Variants in GRM5 observed in about 807,000 individuals in gnomAD.
The protein encoded by GRM5 is glutamate metabotropic receptor 5, also known as metabotropic glutamate receptor 5.
In GRM5, 19 loss-of-function variants were observed where a neutral mutation model predicts 83.1. The ratio of observed to expected loss-of-function variants is 0.23; its 90% CI spans 0.16 to 0.34. The LOEUF is 0.34. Among genes scored for constraint, GRM5 ranks in the 10% least tolerant of loss-of-function variants. The pLI, the probability that GRM5 is intolerant of heterozygous loss-of-function variation, is 1.00. For synonymous variants in GRM5, 675 were observed against 633.6 expected, an observed-to-expected ratio of 1.07 and a Z score of -0.98; for missense variants, 1,160 against 1,588.3, an observed-to-expected ratio of 0.73 and a Z score of 4.58.
chr11:88,846,961 CCT>C (rs1222780149), intron 3 of GRM5, among the ~76,000 whole-genome samples: 1 of 151,916 alleles, frequency 6.6e-6, no homozygotes, highest in Non-Finnish European at 1.5e-5. Flanking sequence ...AATAACTTCC[CCT>C]CTGTTTCTAC....
intron 3 of GRM5, among the ~76,000 whole-genome samples, chr11:88,683,944 A>G (rs1940557241): frequency 6.6e-6 from 1 of 152,238 alleles, no homozygotes; most frequent in South Asian, 2.1e-4. Flanking sequence ...GGAGTAGATA[A>G]TAATGCTGGA....
intron 3 of GRM5, among the ~76,000 whole-genome samples, chr11:88,844,062 A>T (rs1944254904): frequency 6.6e-6 from 1 of 152,174 alleles, no homozygotes; most frequent in Non-Finnish European, 1.5e-5. Context: ...ATGCAGACAA[A>T]ACAGCCTTTT....
At chr11:88,864,242 T>C (rs1944619318) in intron 2 of GRM5, among the ~76,000 whole-genome samples, 1 of 150,982 alleles carries the variant, frequency 6.6e-6, no homozygotes, top group Non-Finnish European at 1.5e-5. Flanking sequence ...CCAAACTTGA[T>C]ACATAAAGAG....
intron 3 of GRM5, among the ~76,000 whole-genome samples, chr11:88,765,395 G>GAAAAAAAAAAAAAAAAAAAA (rs58232495): frequency 8.1e-6 from 1 of 123,422 alleles, no homozygotes; most frequent in African/African-American, 2.9e-5. Context: ...AAGACAATTT[G>GAAAAAAAAAAAAAAAAAAAA]AAAAAAAAAA....
At chr11:88,793,827 C>T (rs201902585) in intron 3 of GRM5, among the ~76,000 whole-genome samples, 3 of 149,970 alleles carry the variant, frequency 2.0e-5, no homozygotes, top group Admixed American at 1.3e-4. Flanking sequence ...TTTGTTTGTT[C>T]GTTTGTTTGT....
At chr11:88,837,951 G>A (rs1181686920) in intron 3 of GRM5, among the ~76,000 whole-genome samples, 1 of 151,740 alleles carries the variant, frequency 6.6e-6, no homozygotes, top group Non-Finnish European at 1.5e-5. Flanking sequence ...CAGGCGTGGT[G>A]GCGGGTGCCT....
intron 4 of GRM5, among the ~76,000 whole-genome samples, chr11:88,607,063 T>G (rs979529187): frequency 6.6e-6 from 1 of 151,760 alleles, no homozygotes; most frequent in East Asian, 2.0e-4. Context: ...GCCCAAATAC[T>G]GACACCTTTA....
At chr11:88,625,148 A>G (rs1285282507) in intron 4 of GRM5, among the ~76,000 whole-genome samples, 1 of 152,184 alleles carries the variant, frequency 6.6e-6, no homozygotes, top group Non-Finnish European at 1.5e-5. Context: ...TACAATAGTA[A>G]GATTTGGCAG....
chr11:88,600,279 T>C (rs1937943199), intron 5 of GRM5, among the ~76,000 whole-genome samples: 1 of 98,136 alleles, frequency 1.0e-5, no homozygotes, highest in Non-Finnish European at 1.8e-5. Context: ...TCCTGCTCCT[T>C]CTCCCTCTCC....
intron 2 of GRM5, among the ~76,000 whole-genome samples, chr11:88,993,631 T>C (rs1257746270): frequency 2.0e-5 from 3 of 152,196 alleles, no homozygotes; most frequent in Non-Finnish European, 4.4e-5. Flanking sequence ...TGTAATATTA[T>C]ATATAGAAAA....
intron 3 of GRM5, among the ~76,000 whole-genome samples, chr11:88,826,422 A>G (rs923142884): frequency 1.3e-5 from 2 of 151,530 alleles, no homozygotes; most frequent in African/African-American, 4.8e-5. Context: ...AAATACACAG[A>G]CACACATGTA....
Position 88,561,277 on chromosome 11 carries a change from T to C in GRM5, c.2630+5776A>G, listed in dbSNP as rs1409732691. ...CAGCCAAAGTGGGCCCTCGTGACAA[T>C]GCTAATTAAAGCAAAGTTAATTAGT... is the stretch of plus-strand genomic sequence containing the variant. On this transcript the variant is annotated intron_variant, in intron 8 of 9. Coordinates refer to ENST00000305447, the MANE Select transcript of GRM5 (RefSeq NM_001143831.3). 2.0e-5 allele frequency among the ~76,000 whole-genome samples: 3 copies of C among 152,146 alleles called. No individual in the cohort carries two copies. The East Asian group carries it at 5.8e-4, about 29-fold the overall frequency.
At chr11:88,994,259 G>A (rs560489478) in intron 2 of GRM5, among the ~76,000 whole-genome samples, 11 of 151,296 alleles carry the variant, frequency 7.3e-5, no homozygotes, top group Non-Finnish European at 1.2e-4. Flanking sequence ...CAGATATCCT[G>A]AGTTCATGGA....
At chr11:88,709,932 G>A (rs1259273777) in intron 3 of GRM5, among the ~76,000 whole-genome samples, 1 of 152,122 alleles carries the variant, frequency 6.6e-6, no homozygotes, top group East Asian at 1.9e-4. Context: ...TCACAGCTCT[G>A]CTGCCTACCA....
chr11:88,910,194 A>AT (rs1164445939), intron 2 of GRM5, among the ~76,000 whole-genome samples: 2 of 151,614 alleles, frequency 1.3e-5, no homozygotes, highest in African/African-American at 4.8e-5. Context: ...TATCTAGTTT[A>AT]TTTTTTCAGT....
intron 8 of GRM5, among the ~76,000 whole-genome samples, chr11:88,560,172 A>G (rs1396506969): frequency 6.6e-6 from 1 of 152,188 alleles, no homozygotes; most frequent in South Asian, 2.1e-4. Flanking sequence ...CTATTATGCA[A>G]AAGAACTTTA....
chr11:88,598,351 G>A (rs1454676382), intron 5 of GRM5, among the ~76,000 whole-genome samples: 1 of 151,964 alleles, frequency 6.6e-6, no homozygotes, highest in Non-Finnish European at 1.5e-5. Flanking sequence ...CAGAAATACT[G>A]AGAACAAAAC....
chr11:88,751,137 T>C (rs984813974), intron 3 of GRM5, among the ~76,000 whole-genome samples: 2 of 116,244 alleles, frequency 1.7e-5, no homozygotes, highest in Non-Finnish European at 3.6e-5. Flanking sequence ...AATAGAGACA[T>C]GCAAAACCCA....
chr11:88,520,654 G>A lies in GRM5; in HGVS notation c.2726+4655C>T, dbSNP rs578101515. Among the ~76,000 whole-genome samples the A allele has an allele frequency of 5.1e-4, 78 of 152,222 alleles. No individual in the cohort carries two copies. The South Asian group carries it at 6.0e-3, about 12-fold the overall frequency. On this transcript the variant is annotated intron_variant, in intron 9 of 9. Transcript: ENST00000305447. ...TCTTGGTCATCCATTTATCTCTAGAGTCTTTTGAGTCCTTGGTTCATAATA... is the reference window on the plus strand; with the variant it reads ...TCTTGGTCATCCATTTATCTCTAGAATCTTTTGAGTCCTTGGTTCATAATA...
Sources: allele counts gnomAD v4.1 joint callset (sites outside exome capture counted in the v4.1 genomes callset), GRCh38; gene constraint gnomAD v4.1.1; transcripts MANE v1.5; gene names NCBI Gene and HGNC (gene_info 2026-07-23, HGNC 2026-07-21).